The following RBM33 variants were observed in gnomAD, a reference collection of about 807,000 sequenced individuals.
RBM33 encodes the protein RNA binding motif protein 33, also known as RNA-binding protein 33.
In RBM33, 28 loss-of-function variants were observed where a neutral mutation model predicts 132.6. The ratio of observed to expected loss-of-function variants is 0.21; its 90% CI spans 0.16 to 0.29. The LOEUF is 0.29. Ranked by LOEUF, RBM33 falls within the 10% of genes least tolerant of loss-of-function variation. RBM33 has a pLI of 1.00. For synonymous variants in RBM33, 634 were observed against 593.0 expected (o/e 1.07, Z -1.01); for missense variants, 1,291 against 1,518.5 (o/e 0.85, Z 2.49).
chr7:155,744,382 A>G (rs895878783), intron 13 of RBM33, among the ~76,000 whole-genome samples: 2 of 152,216 alleles, frequency 1.3e-5, no homozygotes, highest in Non-Finnish European at 2.9e-5. Context: ...TTCCTTATAT[A>G]CCATTAATAT....
At chr7:155,645,098 G>T (rs530954100) in intron 1 of RBM33, 179 bp downstream of exon 1, 13 of 515,808 alleles carry the variant, frequency 2.5e-5, no homozygotes, top group Middle Eastern at 5.7e-4. Flanking sequence ...TCCCTTTCTC[G>T]CTCCTCCTCT....
intron 2 of RBM33, among the ~76,000 whole-genome samples, chr7:155,669,024 A>C (rs752959517): frequency 1.1e-4 from 16 of 152,102 alleles, no homozygotes; most frequent in Non-Finnish European, 1.5e-4. Flanking sequence ...CAGTTGTTTC[A>C]TATTGTTTGT....
rs1799927959 is a variant in RBM33 at position 155,700,545 on chromosome 7, CCTTTTTTTTTTTTTTTTT to C, written c.568-227_568-210del. ...CTATTAATTGCAAGCAAGAATTTGACCTTTTTTTTTTTTTTTTTTTTTTTTTTTTTGAACATTAACTGT... is the reference window on the plus strand; with the variant it reads ...CTATTAATTGCAAGCAAGAATTTGACTTTTTTTTTTTTGAACATTAACTGT... On this transcript the variant is annotated intron_variant, in intron 5 of 17. Coordinates refer to ENST00000401878, the MANE Select transcript of RBM33 (RefSeq NM_053043.3). Among the ~76,000 whole-genome samples the C allele has an allele frequency of 4.8e-5, 4 of 82,804 alleles. No homozygotes were observed. The Admixed American group carries it at 6.2e-4, about 13-fold the overall frequency. The allele number at this position is 82,804 out of a possible 152,430, so 54.3% of individuals were successfully genotyped here. A position where few individuals can be genotyped will look rare whatever the true frequency, so the allele number is the denominator to read the frequency against.
At chr7:155,733,550 C>T (rs1196917348) in intron 9 of RBM33, among the ~76,000 whole-genome samples, 1 of 93,136 alleles carries the variant, frequency 1.1e-5, no homozygotes, top group Non-Finnish European at 2.2e-5. Flanking sequence ...ACAGTGGTGA[C>T]AGTGTCATAC....
intron 1 of RBM33, among the ~76,000 whole-genome samples, chr7:155,648,931 G>A (rs532225941): frequency 5.9e-5 from 9 of 152,300 alleles, no homozygotes; most frequent in African/African-American, 1.9e-4. Flanking sequence ...GTGTATTCAA[G>A]ATTCTCTTTG....
intron 3 of RBM33, among the ~76,000 whole-genome samples, chr7:155,674,347 G>T (rs1799115002): frequency 6.6e-6 from 1 of 151,864 alleles, no homozygotes; most frequent in Non-Finnish European, 1.5e-5. Flanking sequence ...ACTCTATTGG[G>T]GAATTATTTT....
At chr7:155,766,955 A>C (rs1802242822) in intron 16 of RBM33, 1 of 344,140 alleles carries the variant, frequency 2.9e-6, no homozygotes, top group Non-Finnish European at 5.2e-6. Context: ...CATACATACA[A>C]AATTTTTTGT....
intron 1 of RBM33, among the ~76,000 whole-genome samples, chr7:155,653,509 G>A (rs1464591261): frequency 1.3e-5 from 2 of 151,850 alleles, no homozygotes; most frequent in Non-Finnish European, 2.9e-5. Flanking sequence ...TTGGGGTGGG[G>A]GCTTGTCAGA....
rs535091092 is a variant in RBM33, at chr7:155,763,555, C to T, written c.2980-257C>T. ...GGAATTCGACAACATTTATTTTAAT[C>T]GCAGATCTCTTATATGAATATAGTA... On this transcript the variant is annotated intron_variant, in intron 14 of 17. Transcript: ENST00000401878. Among the ~76,000 whole-genome samples, 27 of 152,260 alleles carry T rather than the reference C, an allele frequency of 1.8e-4. No individual in the cohort carries two copies. The South Asian group carries it at 3.7e-3, about 21-fold the overall frequency.
At chr7:155,737,406 C>G in intron 9 of RBM33, 124 bp from the exon 10 acceptor site, 34 of 846,648 alleles carry the variant, frequency 4.0e-5, no homozygotes, top group African/African-American at 2.0e-4. Context: ...AAGACAGTGA[C>G]TGTTAGGAGA....
intron 4 of RBM33, among the ~76,000 whole-genome samples, chr7:155,679,937 TG>T (rs565303756): frequency 1.8e-3 from 270 of 151,634 alleles, no homozygotes; most frequent in Non-Finnish European, 1.7e-3. Context: ...AGGTGGAACA[TG>T]TTTTTTTTGC....
intron 6 of RBM33, among the ~76,000 whole-genome samples, chr7:155,703,606 C>T (rs930397678): frequency 2.0e-5 from 3 of 152,146 alleles, no homozygotes; most frequent in Non-Finnish European, 4.4e-5. Context: ...TTTTTCCCAA[C>T]ACAAAGGAGG....
At chr7:155,652,768 T>C (rs1313272346) in intron 1 of RBM33, among the ~76,000 whole-genome samples, 2 of 152,226 alleles carry the variant, frequency 1.3e-5, no homozygotes, top group Non-Finnish European at 2.9e-5. Context: ...TTGGCTTTCA[T>C]GGATGTGCTG....
At chr7:155,767,799 G>A (rs1389591335) in intron 16 of RBM33, among the ~76,000 whole-genome samples, 1 of 152,198 alleles carries the variant, frequency 6.6e-6, no homozygotes, top group Non-Finnish European at 1.5e-5. Context: ...AGCGTACAGT[G>A]TATGTTTAAG....
In RBM33 at chr7:155,656,963, G is replaced by GT. The variant is rs200480316; in HGVS notation, c.44-8199dup. ...AGAATGTAACCTACACAGGGTGAAG[G>GT]TTTTTTTTTTTTTGTCTTGTATGTC... On this transcript the variant is annotated intron_variant, in intron 1 of 17. Coordinates refer to ENST00000401878, the MANE Select transcript of RBM33 (RefSeq NM_053043.3). 6.0e-3 allele frequency among the ~76,000 whole-genome samples: 849 copies of GT among 140,996 alleles called. 4 individuals carry two copies. The highest frequency in any genetic ancestry group is 0.034 in the East Asian group (165 of 4,912). The allele number at this position is 140,996 out of a possible 152,430, so 92.5% of individuals were successfully genotyped here.
intron 1 of RBM33, among the ~76,000 whole-genome samples, chr7:155,663,535 G>T (rs1460151003): frequency 6.6e-6 from 1 of 152,056 alleles, no homozygotes. Flanking sequence ...CTATGGTGAG[G>T]GCAGCACCAA....
At chr7:155,768,898 C>T (rs1418272156) in intron 16 of RBM33, among the ~76,000 whole-genome samples, 6 of 152,238 alleles carry the variant, frequency 3.9e-5, no homozygotes, top group Admixed American at 2.6e-4. Flanking sequence ...CAGGTGTGAG[C>T]CACCGCACCC....
intron 14 of RBM33, among the ~76,000 whole-genome samples, chr7:155,753,126 T>C (rs1318137712): frequency 6.6e-6 from 1 of 152,238 alleles, no homozygotes; most frequent in East Asian, 1.9e-4. Flanking sequence ...TCCCCAGTAC[T>C]TCTGATGATA....
At chr7:155,715,957 G>A (rs1037245187) in intron 8 of RBM33, among the ~76,000 whole-genome samples, 3 of 152,108 alleles carry the variant, frequency 2.0e-5, no homozygotes, top group South Asian at 2.1e-4. Context: ...AGAGTGTTCC[G>A]TTATAATTTA....
Sources: gnomAD v4.1 joint callset for allele counts (sites outside exome capture counted in the v4.1 genomes callset) on GRCh38, gnomAD v4.1.1 for gene constraint, MANE v1.5 for transcripts, NCBI Gene and HGNC (gene_info 2026-07-23, HGNC 2026-07-21) for gene names.